The following ZNF329 variants were observed in gnomAD, a reference collection of about 807,000 sequenced individuals.
ZNF329 encodes zinc finger protein 329.
ZNF329 carries 15 observed loss-of-function variants against 26.6 expected under a neutral mutation model. The observed-to-expected ratio is 0.56, with a 90% CI of 0.38 to 0.87. The LOEUF is 0.87. Ranked by LOEUF, ZNF329 falls within the 40% of genes least tolerant of loss-of-function variation. The pLI, the probability that ZNF329 is intolerant of heterozygous loss-of-function variation, is 0.00. For synonymous variants in ZNF329, 239 were observed against 233.5 expected, an observed-to-expected ratio of 1.02 and a Z score of -0.21; for missense variants, 651 against 651.9, an observed-to-expected ratio of 1.00 and a Z score of 0.02.
intron 3 of ZNF329, among the ~76,000 whole-genome samples, chr19:58,140,513 C>T (rs1297329089): frequency 2.0e-5 from 3 of 150,300 alleles, no homozygotes; most frequent in African/African-American, 7.3e-5. Flanking sequence ...CCCGGGTTCA[C>T]GCCATTCTCC....
chr19:58,128,282 A>T lies in ZNF329; in HGVS notation c.1222T>A (p.Phe408Ile). 6.2e-7 allele frequency: 1 copy of T among 1,611,762 alleles called. No individual in the cohort carries two copies. The highest frequency in any genetic ancestry group is 8.5e-7 in the Non-Finnish European group (1 of 1,178,654). ...CTGATGAGGTACGCACTCTCGATGA[A>T]AGTCTTGCCACATTCTTTACATTCA... The part of the protein sequence containing the change: ...PYECKECGKT[F>I]IESAYLIRHQ... Residue 408 changes from phenylalanine to isoleucine, a missense_variant, in exon 4 of 4, where the codon TTC (phenylalanine) becomes ATC (isoleucine). Phe to Ile is a conservative substitution (Grantham distance 21). Coordinates refer to ENST00000598312, the MANE Select transcript of ZNF329 (RefSeq NM_024620.4).
intron 3 of ZNF329, among the ~76,000 whole-genome samples, chr19:58,135,785 T>G (rs889834287): frequency 2.6e-5 from 4 of 152,184 alleles, no homozygotes; most frequent in African/African-American, 9.7e-5. Context: ...TACAGCCTCT[T>G]GACTTCGAGG....
In ZNF329 at chr19:58,144,396, A is replaced by ATTTTTT. The variant is rs367570171; in HGVS notation, c.-207-1204_-207-1199dup. On this transcript the variant is annotated intron_variant, in intron 1 of 3. Transcript: ENST00000598312. ...TCTATCTATCTATATATATATATAT[A>ATTTTTT]TTTTTTTTTTGAGACGGAGTCTCGC... Among the ~76,000 whole-genome samples the ATTTTTT allele has an allele frequency of 1.3e-3, 166 of 127,694 alleles. 3 individuals are homozygous for ATTTTTT. Among genetic ancestry groups the ATTTTTT allele is most frequent in the African/African-American group, 4.8e-3 (161 of 33,378 alleles). 83.8% of individuals were successfully genotyped at this position (127,694 alleles called of 152,430 possible). A position where few individuals can be genotyped will look rare whatever the true frequency, so the allele number is the denominator to read the frequency against.
At position 58,127,998 on chromosome 19, in the gene ZNF329, C is replaced by G; in HGVS notation, c.1506G>C (p.Gln502His). The G allele has an allele frequency of 6.2e-7, 1 of 1,614,074 alleles. No homozygotes were observed. The highest frequency in any genetic ancestry group is 8.5e-7 in the Non-Finnish European group (1 of 1,180,008). The part of the protein sequence containing the change: ...FKQNSHLAVH[Q>H]RLHSREGPSR... ...TGGGACCCTCCCTGCTATGGAGTCTCTGATGTACTGCCAGGTGAGAGTTCT... is the reference window on the plus strand; with the variant it reads ...TGGGACCCTCCCTGCTATGGAGTCTGTGATGTACTGCCAGGTGAGAGTTCT... Residue 502 changes from glutamine (Q) to histidine (H), a missense_variant, in exon 4 of 4, where the codon CAG (glutamine) becomes CAC (histidine). Gln to His is a conservative substitution (Grantham distance 24, BLOSUM62 0). Transcript: ENST00000598312.
chr19:58,133,415 G>A (rs747060414), intron 3 of ZNF329, among the ~76,000 whole-genome samples: 7 of 151,700 alleles, frequency 4.6e-5, no homozygotes, highest in Non-Finnish European at 8.8e-5. Flanking sequence ...GTGAAACCCC[G>A]TCCCTACAAA....
intron 3 of ZNF329, among the ~76,000 whole-genome samples, chr19:58,134,657 CG>C (rs2075024009): frequency 6.6e-6 from 1 of 152,100 alleles, no homozygotes; most frequent in South Asian, 2.1e-4. Flanking sequence ...CAGAGCAGGC[CG>C]GGCGCGGTGG....
chr19:58,127,783 T>C lies in ZNF329; in HGVS notation c.*95A>G. 2 of 1,222,214 alleles carry C rather than the reference T, an allele frequency of 1.6e-6. No individual in the cohort carries two copies. Among genetic ancestry groups the C allele is most frequent in the Non-Finnish European group, 2.3e-6 (2 of 871,138 alleles). 75.7% of individuals were successfully genotyped at this position (1,222,214 alleles called of 1,614,324 possible). On this transcript the variant is annotated 3_prime_UTR_variant, in exon 4 of 4. Coordinates refer to ENST00000598312, the MANE Select transcript of ZNF329 (RefSeq NM_024620.4). ...TCAATTCACTGGATAGCTTAAAGGATTCTTTTCTACTGACCAGAGAGGAGT... is the reference window on the plus strand; with the variant it reads ...TCAATTCACTGGATAGCTTAAAGGACTCTTTTCTACTGACCAGAGAGGAGT...
upstream of ZNF329, among the ~76,000 whole-genome samples, chr19:58,153,438 T>C (rs1359742613): frequency 6.6e-6 from 1 of 152,206 alleles, no homozygotes; most frequent in Non-Finnish European, 1.5e-5. Context: ...AGGTCACATG[T>C]AGGCAATCTT....
intron 1 of ZNF329, among the ~76,000 whole-genome samples, chr19:58,147,851 G>A (rs940618161): frequency 6.6e-6 from 1 of 151,134 alleles, no homozygotes; most frequent in Non-Finnish European, 1.5e-5. Flanking sequence ...CTACTGGGAA[G>A]TGAGGAGCCC....
chr19:58,150,851 C>G (rs1266178922), upstream of ZNF329: 1 of 152,660 alleles, frequency 6.6e-6, no homozygotes, highest in Non-Finnish European at 1.5e-5. Context: ...TTCCCCCGCC[C>G]AACGCTGGGG....
chr19:58,133,624 A>G (rs2074999020), intron 3 of ZNF329, among the ~76,000 whole-genome samples: 1 of 152,116 alleles, frequency 6.6e-6, no homozygotes, highest in Non-Finnish European at 1.5e-5. Context: ...TTCCAAGGAT[A>G]CTAGCCAGAG....
rs187878356 is a variant in ZNF329 at position 58,134,954 on chromosome 19, C to A, written c.-8-5443G>T. On this transcript the variant is annotated intron_variant, in intron 3 of 3. Transcript: ENST00000598312. ...CCATCTCAAAAAACAAACAAACAAA[C>A]AATCAACAACAAAAAAACACAGAGC... Among the ~76,000 whole-genome samples the A allele has an allele frequency of 4.3e-3, 660 of 152,058 alleles. 7 individuals are homozygous for A. The highest frequency in any genetic ancestry group is 0.015 in the African/African-American group (624 of 41,486).
chr19:58,137,536 A>G (rs973674788), intron 3 of ZNF329, among the ~76,000 whole-genome samples: 1 of 149,194 alleles, frequency 6.7e-6, no homozygotes, highest in Non-Finnish European at 1.5e-5. Context: ...CCTGGGTGAC[A>G]GAGCAAGACT....
chr19:58,145,314 CTTTTT>C (rs71188087), intron 1 of ZNF329, among the ~76,000 whole-genome samples: 2 of 106,170 alleles, frequency 1.9e-5, no homozygotes, highest in South Asian at 2.8e-4. Context: ...TTTTTTCTTC[CTTTTT>C]TTTTTTTTTT....
At position 58,147,485 on chromosome 19, in the gene ZNF329, G is replaced by A. The variant is rs1333070447; in HGVS notation, c.-208+3267C>T. Among the ~76,000 whole-genome samples, 86 of 143,386 alleles carry A rather than the reference G, an allele frequency of 6.0e-4. 2 individuals are homozygous for A. The highest frequency in any genetic ancestry group is 2.2e-3 in the African/African-American group (80 of 36,468). 94.1% of individuals were successfully genotyped at this position (143,386 alleles called of 152,430 possible). Reference sequence around the variant, plus strand: ...AGGTGAGGGGCGCCTCTGCCCAGCCGCCCCTACTGGGAAGTGAGGAGCCCC... The same window carrying A: ...AGGTGAGGGGCGCCTCTGCCCAGCCACCCCTACTGGGAAGTGAGGAGCCCC... On this transcript the variant is annotated intron_variant, in intron 1 of 3. Coordinates refer to ENST00000598312, the MANE Select transcript of ZNF329 (RefSeq NM_024620.4).
intron 3 of ZNF329, among the ~76,000 whole-genome samples, chr19:58,140,621 T>C (rs1274821619): frequency 6.6e-6 from 1 of 152,052 alleles, no homozygotes; most frequent in Non-Finnish European, 1.5e-5. Context: ...TTCACCATGT[T>C]GGCCAGGATG....
chr19:58,140,950 A>C (rs1214407179), intron 3 of ZNF329, among the ~76,000 whole-genome samples: 1 of 149,480 alleles, frequency 6.7e-6, no homozygotes, highest in Non-Finnish European at 1.5e-5. Context: ...AGCTCACTGC[A>C]ACCTCCACCT....
intron 1 of ZNF329, among the ~76,000 whole-genome samples, chr19:58,145,577 T>C (rs1314243604): frequency 1.3e-5 from 2 of 151,940 alleles, no homozygotes; most frequent in African/African-American, 4.8e-5. Context: ...CCGCCTCAGC[T>C]TCCCAAGGTG....
intron 2 of ZNF329, among the ~76,000 whole-genome samples, chr19:58,142,882 G>A (rs904441569): frequency 3.3e-5 from 5 of 152,310 alleles, no homozygotes; most frequent in African/African-American, 7.2e-5. Context: ...AAGTCTGGGA[G>A]TTTCCTCCTT....
Sources: gnomAD v4.1 joint callset for allele counts (sites outside exome capture counted in the v4.1 genomes callset) on GRCh38, gnomAD v4.1.1 for gene constraint, MANE v1.5 for transcripts, NCBI Gene and HGNC (gene_info 2026-07-23, HGNC 2026-07-21) for gene names.